ELOVL6: variants seen among roughly 807,000 people sequenced by gnomAD.
ELOVL6 encodes very long chain fatty acid elongase 6.
A neutral mutation model predicts 31.7 loss-of-function variants in ELOVL6; 8 were observed. The ratio of observed to expected loss-of-function variants is 0.25; its 90% CI spans 0.15 to 0.45. ELOVL6 has a LOEUF of 0.45. Among genes scored for constraint, ELOVL6 ranks in the 20% least tolerant of loss-of-function variants. The probability of loss-of-function intolerance (pLI) is 1.00; values close to 1 mark genes in which losing one functional copy is unlikely to be tolerated. For synonymous variants in ELOVL6, 101 were observed against 117.7 expected (o/e 0.86, Z 0.92); for missense variants, 126 against 326.4 (o/e 0.39, Z 4.73).
intron 1 of ELOVL6, among the ~76,000 whole-genome samples, chr4:110,194,737 C>T (rs573473162): frequency 3.3e-5 from 5 of 152,202 alleles, no homozygotes; most frequent in South Asian, 2.1e-4. Flanking sequence ...TGGATTATAG[C>T]GTATGTTTAA....
At chr4:110,096,424 G>A (rs1560821482) in intron 2 of ELOVL6, among the ~76,000 whole-genome samples, 2 of 152,214 alleles carry the variant, frequency 1.3e-5, no homozygotes. Context: ...GAAAGACTGA[G>A]CTCTGGCAAA....
At chr4:110,070,889 T>C (rs1755459549) in intron 2 of ELOVL6, among the ~76,000 whole-genome samples, 1 of 152,058 alleles carries the variant, frequency 6.6e-6, no homozygotes, top group South Asian at 2.1e-4. Flanking sequence ...TTTTTTTTTA[T>C]AAATTAATCA....
intron 2 of ELOVL6, among the ~76,000 whole-genome samples, chr4:110,084,070 T>TGCC (rs1560813819): frequency 3.6e-5 from 3 of 82,862 alleles, no homozygotes; most frequent in East Asian, 3.8e-4. Flanking sequence ...ATATAACATA[T>TGCC]ATATGCTATA....
intron 1 of ELOVL6, among the ~76,000 whole-genome samples, chr4:110,114,845 A>C (rs1384054510): frequency 1.3e-5 from 2 of 152,212 alleles, no homozygotes; most frequent in African/African-American, 4.8e-5. Context: ...TTCAAACTGA[A>C]AATTTTCCTA....
rs1016818061 is a variant in ELOVL6 at position 110,046,603 on chromosome 4, A to T, written c.*4735T>A. 4 of 152,272 alleles carry T rather than the reference A, an allele frequency of 2.6e-5. No homozygotes were observed. Among genetic ancestry groups the T allele is most frequent in the African/African-American group, 9.6e-5 (4 of 41,462 alleles). The allele number at this position is 152,272 out of a possible 1,614,324, so 9.4% of individuals were successfully genotyped here. A position where few individuals can be genotyped will look rare whatever the true frequency, so the allele number is the denominator to read the frequency against. Reference sequence around the variant, plus strand: ...GAGGATGAGGAAAGTAACTTGATTCAACAGGTTTGTGTATGTTCTTCAAAG... The same window carrying T: ...GAGGATGAGGAAAGTAACTTGATTCTACAGGTTTGTGTATGTTCTTCAAAG... On this transcript the variant is annotated 3_prime_UTR_variant, in exon 4 of 4. Coordinates refer to ENST00000302274, the MANE Select transcript of ELOVL6 (RefSeq NM_024090.3).
chr4:110,065,119 T>C (rs1017330326), intron 2 of ELOVL6, among the ~76,000 whole-genome samples: 3 of 152,068 alleles, frequency 2.0e-5, no homozygotes, highest in Non-Finnish European at 2.9e-5. Context: ...ACAAAAACAA[T>C]AGAAACAGTG....
Position 110,141,737 on chromosome 4 carries a change from TG to T in ELOVL6, c.90-36110del, listed in dbSNP as rs1214701941. Among the ~76,000 whole-genome samples, 62 of 142,118 alleles carry T rather than the reference TG, an allele frequency of 4.4e-4. 1 individual carries two copies. The highest frequency in any genetic ancestry group is 1.4e-3 in the African/African-American group (51 of 37,156). 93.2% of individuals were successfully genotyped at this position (142,118 alleles called of 152,430 possible). A position where few individuals can be genotyped will look rare whatever the true frequency, so the allele number is the denominator to read the frequency against. ...CATATATATACTAATTGTATTGTAT[TG>T]TATTTATATATATAGTATTGTATTA... is the stretch of plus-strand genomic sequence containing the variant. On this transcript the variant is annotated intron_variant, in intron 1 of 3. Coordinates refer to ENST00000302274, the MANE Select transcript of ELOVL6 (RefSeq NM_024090.3).
At chr4:110,139,504 C>G (rs980005158) in intron 1 of ELOVL6, among the ~76,000 whole-genome samples, 4 of 152,120 alleles carry the variant, frequency 2.6e-5, no homozygotes, top group African/African-American at 9.7e-5. Flanking sequence ...AATGCACACA[C>G]AAAAAATTCC....
At chr4:110,084,422 A>ATG (rs1756133803) in intron 2 of ELOVL6, among the ~76,000 whole-genome samples, 1 of 88,172 alleles carries the variant, frequency 1.1e-5, no homozygotes, top group Non-Finnish European at 1.9e-5. Context: ...TACATGATAT[A>ATG]TCACATATAT....
chr4:110,072,282 C>T (rs1267841614), intron 2 of ELOVL6, among the ~76,000 whole-genome samples: 2 of 152,274 alleles, frequency 1.3e-5, no homozygotes, highest in East Asian at 3.9e-4. Context: ...TCGAGACCAT[C>T]CTGGCCAACA....
At chr4:110,096,714 G>A (rs7654795) in intron 2 of ELOVL6, among the ~76,000 whole-genome samples, 19 of 152,064 alleles carry the variant, frequency 1.2e-4, no homozygotes, top group Admixed American at 2.6e-4. Context: ...AAAGGGTAAC[G>A]GGATTTGTGT....
At chr4:110,081,530 G>A (rs1013990066) in intron 2 of ELOVL6, among the ~76,000 whole-genome samples, 5 of 151,892 alleles carry the variant, frequency 3.3e-5, no homozygotes, top group African/African-American at 1.2e-4. Flanking sequence ...TGGGAAAACT[G>A]GCTAGTCATA....
At chr4:110,087,067 G>T (rs754866874) in intron 2 of ELOVL6, among the ~76,000 whole-genome samples, 2 of 152,098 alleles carry the variant, frequency 1.3e-5, no homozygotes, top group Non-Finnish European at 2.9e-5. Context: ...ATTCTCAAGA[G>T]GGGGAGCCTG....
At chr4:110,070,806 T>C (rs895820317) in intron 2 of ELOVL6, among the ~76,000 whole-genome samples, 6 of 152,172 alleles carry the variant, frequency 3.9e-5, no homozygotes, top group African/African-American at 1.4e-4. Context: ...TCCACCATGA[T>C]TGTAAGTTTC....
chr4:110,097,820 T>A (rs1029329852), intron 2 of ELOVL6, among the ~76,000 whole-genome samples: 1 of 151,644 alleles, frequency 6.6e-6, no homozygotes, highest in African/African-American at 2.4e-5. Flanking sequence ...GGATTTCCTA[T>A]ATATCCATTA....
intron 1 of ELOVL6, among the ~76,000 whole-genome samples, chr4:110,150,221 T>C (rs1758242870): frequency 6.6e-6 from 1 of 152,214 alleles, no homozygotes; most frequent in South Asian, 2.1e-4. Context: ...CTACTTCATG[T>C]ATTTTCAAAA....
chr4:110,147,494 C>T (rs1039016691), intron 1 of ELOVL6, among the ~76,000 whole-genome samples: 21 of 152,052 alleles, frequency 1.4e-4, no homozygotes, highest in Non-Finnish European at 2.9e-4. Context: ...AACAGACAGC[C>T]TTTGGAATGG....
At chr4:110,119,295 CAAAA>C (rs1291458641) in intron 1 of ELOVL6, among the ~76,000 whole-genome samples, 2 of 147,520 alleles carry the variant, frequency 1.4e-5, no homozygotes, top group Admixed American at 6.8e-5. Context: ...GTCTCCATCT[CAAAA>C]GAAAGAAAGA....
At chr4:110,081,714 A>G (rs1755859030) in intron 2 of ELOVL6, among the ~76,000 whole-genome samples, 1 of 151,254 alleles carries the variant, frequency 6.6e-6, no homozygotes, top group Non-Finnish European at 1.5e-5. Context: ...CACTAAAAGC[A>G]AGGGCAACAA....
Sources: allele counts gnomAD v4.1 joint callset (sites outside exome capture counted in the v4.1 genomes callset), GRCh38; gene constraint gnomAD v4.1.1; transcripts MANE v1.5; gene names NCBI Gene and HGNC (gene_info 2026-07-23, HGNC 2026-07-21).